AP1G1: variants seen among roughly 807,000 people sequenced by gnomAD.
AP1G1 encodes AP-1 complex subunit gamma-1.
AP1G1 carries 7 observed loss-of-function variants against 108.3 expected under a neutral mutation model. That is an observed-to-expected ratio of 0.06 (90% confidence interval 0.04 to 0.12). The LOEUF is 0.12. AP1G1 is among the 10% of genes least tolerant of loss of function. AP1G1 has a pLI of 1.00. For synonymous variants in AP1G1, 379 were observed against 353.5 expected (o/e 1.07, Z -0.81); for missense variants, 756 against 1,010.7 (o/e 0.75, Z 3.42).
At chr16:71,797,802 A>C (rs893398902) in intron 1 of AP1G1, among the ~76,000 whole-genome samples, 1 of 152,144 alleles carries the variant, frequency 6.6e-6, no homozygotes, top group African/African-American at 2.4e-5. Context: ...CAGTCTCAAA[A>C]AAAAAAAGTT....
chr16:71,750,374 AATG>A (rs755323192), intron 13 of AP1G1, 42 bp from the exon 14 acceptor site: 12 of 1,608,330 alleles, frequency 7.5e-6, no homozygotes, highest in African/African-American at 1.3e-5. Flanking sequence ...AACACACAGA[AATG>A]ATGATAACAA....
At chr16:71,790,509 A>G (rs1368657577) in intron 1 of AP1G1, among the ~76,000 whole-genome samples, 1 of 150,922 alleles carries the variant, frequency 6.6e-6, no homozygotes, top group Non-Finnish European at 1.5e-5. Flanking sequence ...CCTGAGCAAC[A>G]AGAGTGAAAC....
intron 1 of AP1G1, among the ~76,000 whole-genome samples, chr16:71,807,486 C>T (rs1289857985): frequency 6.6e-6 from 1 of 152,104 alleles, no homozygotes; most frequent in Non-Finnish European, 1.5e-5. Flanking sequence ...TGCTAGACTG[C>T]AAACATGCCT....
intron 1 of AP1G1, among the ~76,000 whole-genome samples, chr16:71,796,232 G>A (rs186037369): frequency 5.3e-5 from 8 of 152,196 alleles, no homozygotes; most frequent in African/African-American, 1.4e-4. Context: ...AAGTAAGACC[G>A]TCTCAAAAAT....
chr16:71,774,453 A>C lies in AP1G1; in HGVS notation c.326+15T>G. 6.3e-7 allele frequency: 1 copy of C among 1,587,246 alleles called. No individual in the cohort carries two copies. The highest frequency in any genetic ancestry group is 8.5e-7 in the Non-Finnish European group (1 of 1,173,584). ...GTAGTTAACAGTTGTTAGAAGAAAG[A>C]AAAGTAAGACTTACTTCTTGATACA... On this transcript the variant is annotated intron_variant, in intron 3 of 22. Transcript: ENST00000299980.
intron 5 of AP1G1, 128 bp from the exon 6 acceptor site, chr16:71,769,827 G>A (rs1267972510): frequency 1.5e-5 from 10 of 660,612 alleles, no homozygotes; most frequent in Non-Finnish European, 2.4e-5. Context: ...ATCCCCCAAA[G>A]CATCTAAGCA....
At chr16:71,805,112 T>A (rs1249622856) in intron 1 of AP1G1, among the ~76,000 whole-genome samples, 2 of 152,106 alleles carry the variant, frequency 1.3e-5, no homozygotes, top group African/African-American at 4.8e-5. Flanking sequence ...CATTAGAAAC[T>A]GAGTAAAAGC....
At chr16:71,767,509 A>C (rs546063789) in intron 6 of AP1G1, among the ~76,000 whole-genome samples, 2 of 152,360 alleles carry the variant, frequency 1.3e-5, no homozygotes, top group East Asian at 3.9e-4. Context: ...CGGTTCTAAA[A>C]TATCTACTTC....
intron 1 of AP1G1, among the ~76,000 whole-genome samples, chr16:71,796,216 G>A (rs1197872198): frequency 6.6e-6 from 1 of 152,028 alleles, no homozygotes; most frequent in Non-Finnish European, 1.5e-5. Context: ...TCCAGCCTGG[G>A]TTGTGAAGTA....
intron 6 of AP1G1, 91 bp from the exon 7 acceptor site, chr16:71,765,675 G>A: frequency 1.0e-6 from 1 of 997,636 alleles, no homozygotes; most frequent in South Asian, 1.3e-5. Context: ...AAGGGTGTAA[G>A]GGTCCCAGTC....
chr16:71,806,781 T>C, intron 1 of AP1G1: 7 of 1,093,692 alleles, frequency 6.4e-6, no homozygotes, highest in Non-Finnish European at 8.4e-6. Context: ...AGAACTCACG[T>C]ATCTAATAGT....
rs756176079 is a variant in AP1G1 at position 71,739,297 on chromosome 16, A to C, written c.2044T>G (p.Ser682Ala). 8.1e-6 allele frequency: 13 copies of C among 1,612,452 alleles called. No individual in the cohort carries two copies. The highest frequency in any genetic ancestry group is 1.1e-5 in the Non-Finnish European group (13 of 1,179,706). Residue 682 changes from serine (S) to alanine (A), a missense_variant, in exon 20 of 23, where the codon TCC (serine) becomes GCC (alanine). By Grantham distance (99) the Ser-to-Ala change is moderately conservative. This residue lies in a region of AP1G1 where 357 missense variants were observed against 366.5 expected (regional missense o/e 0.97). Coordinates refer to ENST00000299980, the MANE Select transcript of AP1G1 (RefSeq NM_001128.6). ...CCATCCAACAAGAAGGGGGGCTGGGATATCTGTGGGACTGAGGCAGGGGCA... is the reference window on the plus strand; with the variant it reads ...CCATCCAACAAGAAGGGGGGCTGGGCTATCTGTGGGACTGAGGCAGGGGCA... ...APAPASVPQISQPPFLLDGLS... is the reference protein window; with the variant it reads ...APAPASVPQIAQPPFLLDGLS...
At chr16:71,744,111 G>A (rs905489264) in intron 19 of AP1G1, among the ~76,000 whole-genome samples, 1 of 151,914 alleles carries the variant, frequency 6.6e-6, no homozygotes, top group Non-Finnish European at 1.5e-5. Context: ...GGGCATGGTG[G>A]TGCGTGCCTG....
In AP1G1 at chr16:71,729,074, ACAG is replaced by A. The variant is rs887872054; in HGVS notation, c.*3981_*3983del. ...TTGTTTCAACCAAAAGACAGTACAC[ACAG>A]CAGAATTCTAATGCATCCCATGTAA... On this transcript the variant is annotated 3_prime_UTR_variant, in exon 23 of 23. Transcript: ENST00000299980. 3.9e-5 allele frequency: 6 copies of A among 152,656 alleles called. No individual in the cohort carries two copies. The highest frequency in any genetic ancestry group is 3.8e-4 in the East Asian group (2 of 5,202). The allele number at this position is 152,656 out of a possible 1,614,324, so 9.5% of individuals were successfully genotyped here.
At chr16:71,804,597 G>A (rs1218416163) in intron 1 of AP1G1, among the ~76,000 whole-genome samples, 1 of 150,982 alleles carries the variant, frequency 6.6e-6, no homozygotes, top group Non-Finnish European at 1.5e-5. Context: ...TAGTACAGAC[G>A]GGATTTCATC....
At chr16:71,796,011 T>G (rs1597088019) in intron 1 of AP1G1, among the ~76,000 whole-genome samples, 1 of 152,154 alleles carries the variant, frequency 6.6e-6, no homozygotes, top group Non-Finnish European at 1.5e-5. Flanking sequence ...CCGAGGCAGG[T>G]AGACTGCTCA....
chr16:71,800,870 C>T (rs1161523977), intron 1 of AP1G1, among the ~76,000 whole-genome samples: 1 of 151,678 alleles, frequency 6.6e-6, no homozygotes, highest in African/African-American at 2.4e-5. Flanking sequence ...TGGCACATGT[C>T]TGTAATCCCA....
At chr16:71,803,106 T>G (rs528550098) in intron 1 of AP1G1, among the ~76,000 whole-genome samples, 50 of 151,714 alleles carry the variant, frequency 3.3e-4, no homozygotes, top group Middle Eastern at 3.4e-3. Context: ...TCCCAGCTAC[T>G]CGGGAGGCTG....
chr16:71,788,051 C>A (rs145538878), intron 2 of AP1G1, among the ~76,000 whole-genome samples: 66 of 152,194 alleles, frequency 4.3e-4, no homozygotes, highest in African/African-American at 1.4e-3. Context: ...CACTCTTGAT[C>A]ATGTATTTCT....
Sources: gnomAD v4.1 joint callset for allele counts (sites outside exome capture counted in the v4.1 genomes callset) on GRCh38, gnomAD v4.1.1 for gene constraint, gnomAD v4.1.1 regional missense constraint, MANE v1.5 for transcripts, NCBI Gene and HGNC (gene_info 2026-07-23, HGNC 2026-07-21) for gene names.